Variants in DPP6 observed in about 807,000 individuals in gnomAD.
The protein encoded by DPP6 is A-type potassium channel modulatory protein DPP6.
In DPP6, 69 loss-of-function variants were observed where a neutral mutation model predicts 122.6. That is an observed-to-expected ratio of 0.56 (90% CI 0.46 to 0.69). The LOEUF is 0.69. Ranked by LOEUF, DPP6 falls within the 30% of genes least tolerant of loss-of-function variation. DPP6 has a pLI of 0.00. For synonymous variants in DPP6, 418 were observed against 433.1 expected, an observed-to-expected ratio of 0.97 and a Z score of 0.43; for missense variants, 928 against 1,116.9, an observed-to-expected ratio of 0.83 and a Z score of 2.41.
chr7:154,669,111 A>ATG (rs1375704863), intron 6 of DPP6, among the ~76,000 whole-genome samples: 1 of 152,214 alleles, frequency 6.6e-6, no homozygotes, highest in Admixed American at 6.5e-5. Flanking sequence ...TCCTCTCTTA[A>ATG]TGAGTATTTA....
the DPP6 span, among the ~76,000 whole-genome samples, chr7:153,759,196 C>A: frequency 2.0e-5 from 3 of 152,098 alleles, no homozygotes; most frequent in South Asian, 6.2e-4. Context: ...TTCTGAAAAT[C>A]CCTGACATAT....
At chr7:154,600,199 C>A (rs1833348151) in intron 5 of DPP6, among the ~76,000 whole-genome samples, 1 of 150,496 alleles carries the variant, frequency 6.6e-6, no homozygotes, top group African/African-American at 2.4e-5. Context: ...ACAATCTCAG[C>A]TCACTGCAAC....
intron 1 of DPP6, among the ~76,000 whole-genome samples, chr7:154,131,426 A>AG (rs1795280188): frequency 6.6e-6 from 1 of 152,386 alleles, no homozygotes; most frequent in East Asian, 1.9e-4. Context: ...GACTGCTTGA[A>AG]GGAGGCCAAG....
Position 154,308,335 on chromosome 7 carries a change from G to A in DPP6, c.244-137879G>A, listed in dbSNP as rs1806552103. 3.3e-5 allele frequency among the ~76,000 whole-genome samples: 5 copies of A among 151,980 alleles called. No individual in the cohort carries two copies. In the South Asian group the frequency reaches 1.0e-3, roughly 32 times the overall value. ...TTGCTAAAAAAAATGTGTAAAAAGAGTATTTTGGGATTTTTGGTTTGTTTT... is the reference window on the plus strand; with the variant it reads ...TTGCTAAAAAAAATGTGTAAAAAGAATATTTTGGGATTTTTGGTTTGTTTT... On this transcript the variant is annotated intron_variant, in intron 1 of 25. Transcript: ENST00000377770.
chr7:154,452,700 T>A (rs1820492770), intron 2 of DPP6, among the ~76,000 whole-genome samples: 1 of 152,230 alleles, frequency 6.6e-6, no homozygotes, highest in Admixed American at 6.5e-5. Context: ...TTGCCACCCC[T>A]GTGAGAAGAA....
At chr7:154,874,216 C>G (rs1295713009) in intron 19 of DPP6, among the ~76,000 whole-genome samples, 1 of 152,236 alleles carries the variant, frequency 6.6e-6, no homozygotes, top group Admixed American at 6.5e-5. Flanking sequence ...AGGATGCTAA[C>G]AACTTCCGAA....
At chr7:154,124,800 G>A (rs147448556) in intron 1 of DPP6, among the ~76,000 whole-genome samples, 20 of 152,322 alleles carry the variant, frequency 1.3e-4, no homozygotes, top group African/African-American at 4.6e-4. Context: ...TGGGAGATCC[G>A]TGAGATGCCC....
chr7:154,819,241 C>T (rs1015874403), intron 16 of DPP6, among the ~76,000 whole-genome samples: 2 of 152,112 alleles, frequency 1.3e-5, no homozygotes, highest in Non-Finnish European at 2.9e-5. Flanking sequence ...ATGGTGAAAC[C>T]CTGTCTCTAC....
At chr7:154,272,281 G>A (rs1045725189) in intron 1 of DPP6, among the ~76,000 whole-genome samples, 10 of 152,282 alleles carry the variant, frequency 6.6e-5, no homozygotes, top group African/African-American at 2.2e-4. Flanking sequence ...TCATCAAAGT[G>A]AAAAACATGC....
chr7:154,226,313 G>A (rs1007337334), intron 1 of DPP6, among the ~76,000 whole-genome samples: 3 of 145,590 alleles, frequency 2.1e-5, no homozygotes, highest in Admixed American at 6.6e-5. Flanking sequence ...GACAATTTTT[G>A]TCTTATGCCA....
At chr7:154,678,695 G>T (rs531977169) in intron 7 of DPP6, among the ~76,000 whole-genome samples, 5 of 152,222 alleles carry the variant, frequency 3.3e-5, no homozygotes, top group Non-Finnish European at 7.3e-5. Flanking sequence ...AGAAGGAAAA[G>T]AATATTTTAT....
At chr7:154,665,387 C>T (rs1312428762) in intron 6 of DPP6, among the ~76,000 whole-genome samples, 1 of 151,994 alleles carries the variant, frequency 6.6e-6, no homozygotes, top group Non-Finnish European at 1.5e-5. Context: ...TGGGTTAATC[C>T]AGTACTAACA....
In DPP6 at chr7:154,877,075, T is replaced by A. The variant is rs1288613885; in HGVS notation, c.2078+975T>A. The A allele has an allele frequency of 6.6e-6, 1 of 152,068 alleles. No homozygotes were observed. Among genetic ancestry groups the A allele is most frequent in the Non-Finnish European group, 1.5e-5 (1 of 68,046 alleles). The allele number at this position is 152,068 out of a possible 1,614,324, so 9.4% of individuals were successfully genotyped here. ...CTGGACCTGGCATCTCTGTACCTAT[T>A]ATACCAGGGTGCTTTGTGCGTTTGG... On this transcript the variant is annotated intron_variant, in intron 20 of 25. Coordinates refer to ENST00000377770, the MANE Select transcript of DPP6 (RefSeq NM_130797.4). This position sits in a 1 kb window ranked among gnomAD's most constrained non-coding sequence, Gnocchi z 5.2.
intron 1 of DPP6, among the ~76,000 whole-genome samples, chr7:154,212,890 T>C (rs1367503546): frequency 6.6e-6 from 1 of 152,110 alleles, no homozygotes; most frequent in African/African-American, 2.4e-5. Flanking sequence ...GAGGACCTCA[T>C]CCAGGAAACA....
chr7:154,740,959 AC>A (rs1842792342), intron 8 of DPP6, among the ~76,000 whole-genome samples: 1 of 152,110 alleles, frequency 6.6e-6, no homozygotes, highest in Admixed American at 6.5e-5. Context: ...TATTGGCATA[AC>A]TTTTCTCTTT....
chr7:154,341,621 TATA>T (rs988274194), intron 1 of DPP6, among the ~76,000 whole-genome samples: 6 of 151,732 alleles, frequency 4.0e-5, no homozygotes, highest in Non-Finnish European at 8.8e-5. Context: ...AATAGGATTA[TATA>T]ATAATAATAT....
rs1039620179 is a variant in DPP6 at position 154,600,755 on chromosome 7, T to C, written c.627+33839T>C. ...TTGGTTTGTTGTCATAGTTTAATCA[T>C]GAACTGTTTCAAGTGTACAGAAAAG... On this transcript the variant is annotated intron_variant, in intron 5 of 25. Transcript: ENST00000377770. Among the ~76,000 whole-genome samples, 15 of 121,684 alleles carry C rather than the reference T, an allele frequency of 1.2e-4. 5 individuals are homozygous for C. The highest frequency in any genetic ancestry group is 2.6e-4 in the Non-Finnish European group (14 of 53,884). 79.8% of individuals were successfully genotyped at this position (121,684 alleles called of 152,430 possible).
At chr7:154,145,602 C>T (rs10237713) in intron 1 of DPP6, among the ~76,000 whole-genome samples, 6,612 of 133,900 alleles carry the variant, frequency 0.049, no homozygotes, top group African/African-American at 0.18. Flanking sequence ...GTGTTTACAT[C>T]CCTGCGGAGC....
chr7:154,869,921 C>T (rs1485851521), intron 18 of DPP6, among the ~76,000 whole-genome samples: 1 of 149,198 alleles, frequency 6.7e-6, no homozygotes, highest in African/African-American at 2.5e-5. Flanking sequence ...GGTGACCACG[C>T]CAGGGAAGGG....
Sources: gnomAD v4.1 joint callset for allele counts (sites outside exome capture counted in the v4.1 genomes callset) on GRCh38, gnomAD v4.1.1 for gene constraint, Gnocchi (gnomAD v3.1) non-coding constraint, MANE v1.5 for transcripts, NCBI Gene and HGNC (gene_info 2026-07-23, HGNC 2026-07-21) for gene names.